Variants in WDFY4 observed in about 807,000 individuals in gnomAD.
WDFY4 encodes the protein WD repeat- and FYVE domain-containing protein 4.
Under a neutral mutation model 351.9 loss-of-function variants are expected in WDFY4, and 169 were observed. That is an observed-to-expected ratio of 0.48 (90% CI 0.42 to 0.55). The LOEUF (loss-of-function observed/expected upper bound fraction) is 0.55, where lower values mean the gene tolerates loss of function less well. WDFY4 is among the 20% of genes least tolerant of loss of function. WDFY4 has a pLI of 0.00. For missense variants in WDFY4, 3,803 were observed against 3,935.6 expected (o/e 0.97, Z 0.90); for synonymous variants, 1,622 against 1,574.6 (o/e 1.03, Z -0.71).
chr10:48,788,744 G>A, intron 21 of WDFY4, 69 bp downstream of exon 21: 2 of 1,526,438 alleles, frequency 1.3e-6, no homozygotes, highest in Non-Finnish European at 1.8e-6. Context: ...AGCTTTCAGT[G>A]CTTAAGTAAA....
chr10:48,696,162 C>G (rs1238385750), intron 1 of WDFY4, among the ~76,000 whole-genome samples: 1 of 152,214 alleles, frequency 6.6e-6, no homozygotes, highest in African/African-American at 2.4e-5. Context: ...CCAGCAGGCA[C>G]ACTCAGCCCT....
chr10:48,864,767 T>C (rs944477471), intron 39 of WDFY4, among the ~76,000 whole-genome samples: 1 of 152,224 alleles, frequency 6.6e-6, no homozygotes, highest in Non-Finnish European at 1.5e-5. Flanking sequence ...TAGGTTTCAG[T>C]GTACAAGTTT....
intron 2 of WDFY4, among the ~76,000 whole-genome samples, chr10:48,713,543 G>T (rs2063821937): frequency 6.6e-6 from 1 of 152,194 alleles, no homozygotes; most frequent in African/African-American, 2.4e-5. Flanking sequence ...CTGCAGGGGT[G>T]CTAACCCAGT....
At position 48,727,638 on chromosome 10, in the gene WDFY4, T is replaced by C; in HGVS notation, c.950T>C (p.Leu317Pro). ...TTTGAGAATTCAGAGGGCTATCCTC[T>C]GCTGCTCAAAGTGTTACTTCGGTAA... The part of the protein sequence containing the change: ...LEFENSEGYP[L>P]LLKVLLRYDG... Residue 317 changes from leucine to proline, a missense_variant, in exon 7 of 62, where the codon CTG becomes CCG. Around this residue, in one of 3 missense-constraint regions of WDFY4, gnomAD observed 488 missense variants for 456.8 expected, o/e 1.07. Transcript: ENST00000325239. 1 of 1,552,028 alleles carries C rather than the reference T, an allele frequency of 6.4e-7. No homozygotes were observed. The highest frequency in any genetic ancestry group is 8.7e-7 in the Non-Finnish European group (1 of 1,147,058).
intron 37 of WDFY4, 135 bp downstream of exon 37, chr10:48,829,031 C>A: frequency 1.7e-6 from 1 of 588,850 alleles, no homozygotes; most frequent in Non-Finnish European, 2.9e-6. Flanking sequence ...CTATTAAGGA[C>A]ATTTTCAAAA....
rs1054138340 is a variant in WDFY4 at position 48,859,064 on chromosome 10, A to AT, written c.6664-8193dup. On this transcript the variant is annotated intron_variant, in intron 39 of 61. Transcript: ENST00000325239. ...TGTTGATCTTATATCCTGTGACCGCATTTTTTTTGTAAATACCTTGAGTAT... is the reference window on the plus strand; with the variant it reads ...TGTTGATCTTATATCCTGTGACCGCATTTTTTTTTGTAAATACCTTGAGTAT... Among the ~76,000 whole-genome samples the AT allele has an allele frequency of 3.3e-5, 5 of 151,830 alleles. No homozygotes were observed. In the South Asian group the frequency reaches 6.2e-4, roughly 19 times the overall value.
At chr10:48,789,241 T>C (rs919583867) in intron 21 of WDFY4, among the ~76,000 whole-genome samples, 28 of 152,182 alleles carry the variant, frequency 1.8e-4, no homozygotes, top group African/African-American at 6.3e-4. Flanking sequence ...CAAGGAGATA[T>C]GTTTGTAGAT....
At chr10:48,817,526 T>C (rs922484307) in intron 32 of WDFY4, 117 bp downstream of exon 32, 3 of 1,291,484 alleles carry the variant, frequency 2.3e-6, no homozygotes, top group African/African-American at 1.5e-5. Context: ...TTAAGGCAAC[T>C]TGAGCGGAAC....
intron 41 of WDFY4, among the ~76,000 whole-genome samples, chr10:48,874,523 TG>T (rs1313976717): frequency 1.3e-5 from 2 of 152,316 alleles, no homozygotes; most frequent in East Asian, 3.9e-4. Flanking sequence ...AAAAATCCTT[TG>T]TAAAATCTAA....
At chr10:48,730,006 T>C (rs12413949) in intron 8 of WDFY4, among the ~76,000 whole-genome samples, 12,533 of 152,286 alleles carry the variant, frequency 0.082, 661 homozygotes, top group East Asian at 0.25. Context: ...TGGGTGCCAG[T>C]GTGAACAGGC....
At chr10:48,755,867 A>T (rs112824808) in intron 12 of WDFY4, among the ~76,000 whole-genome samples, 272 of 152,200 alleles carry the variant, frequency 1.8e-3, no homozygotes, top group African/African-American at 6.3e-3. Flanking sequence ...GTTATTTTAT[A>T]TATAGGTAGG....
In WDFY4 at chr10:48,981,421, C is replaced by T. The variant is rs1339159393; in HGVS notation, c.9431C>T (p.Ala3144Val). 1 of 1,551,758 alleles carries T rather than the reference C, an allele frequency of 6.4e-7. No individual in the cohort carries two copies. Among genetic ancestry groups the T allele is most frequent in the Admixed American group, 2.0e-5 (1 of 51,014 alleles). Reference sequence around the variant, plus strand: ...AGTCGAGAGCTGGACGTTAGCATTGCTTTGACAGGGAAGCCCAGCAAAACC... The same window carrying T: ...AGTCGAGAGCTGGACGTTAGCATTGTTTTGACAGGGAAGCCCAGCAAAACC... ...ALSRELDVSI[A>V]LTGKPSKTSP... is the part of the protein sequence containing the mutation. Residue 3144 changes from alanine to valine, a missense_variant, in exon 61 of 62, where the codon GCT (alanine) becomes GTT (valine). Physicochemically the swap from Ala to Val is moderately conservative, Grantham distance 64. This residue lies in a region of WDFY4 where 3,054 missense variants were observed against 3,148.6 expected (regional missense o/e 0.97). Coordinates refer to ENST00000325239, the MANE Select transcript of WDFY4 (RefSeq NM_001394531.1).
intron 35 of WDFY4, among the ~76,000 whole-genome samples, chr10:48,825,139 G>A (rs1459924540): frequency 6.6e-6 from 1 of 152,170 alleles, no homozygotes; most frequent in Non-Finnish European, 1.5e-5. Context: ...AGGCCCCAGT[G>A]TGTGTTGTTC....
chr10:48,803,034 C>T (rs1293780158), intron 24 of WDFY4, among the ~76,000 whole-genome samples: 2 of 152,058 alleles, frequency 1.3e-5, no homozygotes, highest in East Asian at 2.0e-4. Flanking sequence ...TTAGTGCAGG[C>T]GTCCTTGGTT....
intron 27 of WDFY4, among the ~76,000 whole-genome samples, chr10:48,807,363 T>A (rs1249150679): frequency 1.3e-5 from 2 of 152,264 alleles, no homozygotes; most frequent in Non-Finnish European, 2.9e-5. Flanking sequence ...GTAAAGTTTC[T>A]TCTTCCCCTT....
intron 13 of WDFY4, among the ~76,000 whole-genome samples, chr10:48,762,843 G>A (rs997134037): frequency 6.6e-6 from 1 of 152,232 alleles, no homozygotes; most frequent in African/African-American, 2.4e-5. Context: ...AAGGACTTAG[G>A]CCCAGGAAAA....
chr10:48,981,141 C>T (rs950475323), intron 60 of WDFY4, among the ~76,000 whole-genome samples: 2 of 152,116 alleles, frequency 1.3e-5, no homozygotes, highest in Non-Finnish European at 2.9e-5. Context: ...CAATGGATAC[C>T]GAGGCACGTC....
At chr10:48,978,621 T>A (rs1842678230) in intron 60 of WDFY4, 2 of 484,212 alleles carry the variant, frequency 4.1e-6, no homozygotes, top group Non-Finnish European at 7.4e-6. Flanking sequence ...AACCTAACCA[T>A]AGACACTGGC....
In WDFY4 at chr10:48,947,084, T is replaced by G. The variant is rs1841084287; in HGVS notation, c.7977+115T>G. On this transcript the variant is annotated intron_variant, in intron 51 of 61. Transcript: ENST00000325239. ...AAGACAGGATGCCTCTGCTAAAAACTCAGTCATTAGCCAGTGATTCCCAGT... is the reference window on the plus strand; with the variant it reads ...AAGACAGGATGCCTCTGCTAAAAACGCAGTCATTAGCCAGTGATTCCCAGT... The G allele has an allele frequency of 3.4e-6, 3 of 893,682 alleles. No homozygotes were observed. The Admixed American group carries it at 7.4e-5, about 22-fold the overall frequency. 55.4% of individuals were successfully genotyped at this position (893,682 alleles called of 1,614,324 possible). A position where few individuals can be genotyped will look rare whatever the true frequency, so the allele number is the denominator to read the frequency against.
Sources: allele counts gnomAD v4.1 joint callset (sites outside exome capture counted in the v4.1 genomes callset), GRCh38; gene constraint gnomAD v4.1.1; regional missense constraint gnomAD v4.1.1; transcripts MANE v1.5; gene names NCBI Gene and HGNC (gene_info 2026-07-23, HGNC 2026-07-21).